Variants in SCAPER observed in about 807,000 individuals in gnomAD.
The protein encoded by SCAPER is S phase cyclin A-associated protein in the endoplasmic reticulum.
Under a neutral mutation model 182.2 loss-of-function variants are expected in SCAPER, and 98 were observed. The ratio of observed to expected loss-of-function variants is 0.54; its 90% CI spans 0.46 to 0.64. SCAPER has a LOEUF of 0.64. Ranked by LOEUF, SCAPER falls within the 30% of genes least tolerant of loss-of-function variation. SCAPER has a pLI of 0.00. For missense variants in SCAPER, 1,432 were observed against 1,690.0 expected (o/e 0.85, Z 2.68); for synonymous variants, 605 against 564.6 (o/e 1.07, Z -1.01).
At chr15:76,466,406 T>C (rs557358090) in intron 25 of SCAPER, among the ~76,000 whole-genome samples, 4 of 144,370 alleles carry the variant, frequency 2.8e-5, no homozygotes, top group East Asian at 4.1e-4. Flanking sequence ...AGTTCCAAAA[T>C]TGGTTGGTTC....
chr15:76,606,374 T>C (rs1326020021), intron 22 of SCAPER, among the ~76,000 whole-genome samples: 1 of 152,212 alleles, frequency 6.6e-6, no homozygotes, highest in Non-Finnish European at 1.5e-5. Context: ...GACTGCACTG[T>C]GGCCTGAGAG....
At chr15:76,637,844 TC>T (rs1245206989) in intron 21 of SCAPER, among the ~76,000 whole-genome samples, 2 of 148,294 alleles carry the variant, frequency 1.3e-5, no homozygotes, top group Non-Finnish European at 3.0e-5. Flanking sequence ...TAAAGCAGAA[TC>T]CTATTATGAA....
At chr15:76,669,251 CAAAT>C (rs142011822) in intron 20 of SCAPER, among the ~76,000 whole-genome samples, 7,427 of 152,094 alleles carry the variant, frequency 0.049, 218 homozygotes, top group South Asian at 0.12. Context: ...AACCCACAGA[CAAAT>C]GAAGAAAGTA....
intron 5 of SCAPER, among the ~76,000 whole-genome samples, chr15:76,813,529 G>A (rs894301937): frequency 1.1e-4 from 16 of 152,034 alleles, no homozygotes; most frequent in Middle Eastern, 3.4e-3. Flanking sequence ...ATCCATGGTT[G>A]CATTTGAATT....
chr15:76,664,250 A>G lies in SCAPER; in HGVS notation c.2645+1403T>C, dbSNP rs140059681. 9.2e-5 allele frequency among the ~76,000 whole-genome samples: 14 copies of G among 152,306 alleles called. No homozygotes were observed. The East Asian group carries it at 2.3e-3, about 25-fold the overall frequency. On this transcript the variant is annotated intron_variant, in intron 21 of 31. Transcript: ENST00000563290. ...AAACAAGACTAGTCAGAAGGCTACT[A>G]TAACAATCCAGGTAAGAGCTGACTG...
intron 23 of SCAPER, among the ~76,000 whole-genome samples, chr15:76,512,689 C>A (rs988495475): frequency 6.6e-6 from 1 of 152,014 alleles, no homozygotes; most frequent in African/African-American, 2.4e-5. Flanking sequence ...AAAGCCTTTT[C>A]TGCAATGCCA....
chr15:76,423,161 T>G lies in SCAPER; in HGVS notation c.3311+10917A>C, dbSNP rs374630308. ...AAATGAGTTAGGGAGGATTCCCTCT[T>G]TTTGTATTGATTGGAATAGTTTCAG... On this transcript the variant is annotated intron_variant, in intron 26 of 31. Transcript: ENST00000563290. Among the ~76,000 whole-genome samples the G allele has an allele frequency of 3.9e-5, 6 of 152,210 alleles. No individual in the cohort carries two copies. The East Asian group carries it at 1.2e-3, about 29-fold the overall frequency.
At chr15:76,496,066 A>AG (rs1325330657) in intron 24 of SCAPER, among the ~76,000 whole-genome samples, 3 of 150,800 alleles carry the variant, frequency 2.0e-5, no homozygotes, top group Admixed American at 1.3e-4. Flanking sequence ...GAAAGGTGGA[A>AG]GGGGGGAAGG....
At chr15:76,498,348 C>T (rs2040798639) in intron 24 of SCAPER, 1 of 152,154 alleles carries the variant, frequency 6.6e-6, no homozygotes, top group Non-Finnish European at 1.5e-5. Context: ...TTACCTGCTT[C>T]TGGAGCACAG....
chr15:76,595,069 T>C (rs559580921), intron 22 of SCAPER, among the ~76,000 whole-genome samples: 1 of 120,850 alleles, frequency 8.3e-6, no homozygotes, highest in East Asian at 2.2e-4. Context: ...TAGTGTGCTG[T>C]ATTCAGGAGG....
intron 24 of SCAPER, among the ~76,000 whole-genome samples, chr15:76,502,956 A>G (rs1320905085): frequency 6.6e-6 from 1 of 152,174 alleles, no homozygotes; most frequent in Non-Finnish European, 1.5e-5. Context: ...CACCAGAACA[A>G]CATACTCTGT....
intron 23 of SCAPER, among the ~76,000 whole-genome samples, chr15:76,558,642 C>T (rs900309304): frequency 2.6e-5 from 4 of 152,154 alleles, no homozygotes; most frequent in Non-Finnish European, 2.9e-5. Context: ...CTTAGAACTA[C>T]CATTTGACGC....
At chr15:76,588,782 G>A (rs1165001616) in intron 22 of SCAPER, among the ~76,000 whole-genome samples, 1 of 152,148 alleles carries the variant, frequency 6.6e-6, no homozygotes. Flanking sequence ...AGGTGTGGTG[G>A]CTAGTGTGAT....
rs774738622 is a variant in SCAPER, at chr15:76,404,629, G to C, written c.3362C>G (p.Ser1121Trp). ...ATTCTCATCCACTGGGCCTTGCACC[G>C]AGAGGAAGCAGGCACACAGTTTGTC... ...LIDKLCACFL[S>W]VQGPVDENPK... Residue 1121 changes from serine to tryptophan, a missense_variant, in exon 27 of 32, where the codon TCG becomes TGG. By Grantham distance (177) the Ser-to-Trp change is radical. This residue lies in a region of SCAPER where 718 missense variants were observed against 799.7 expected (regional missense o/e 0.90). Transcript: ENST00000563290. 1 of 1,613,192 alleles carries C rather than the reference G, an allele frequency of 6.2e-7. No homozygotes were observed. Among genetic ancestry groups the C allele is most frequent in the South Asian group, 1.1e-5 (1 of 91,050 alleles).
At chr15:76,620,679 CTTAAA>C (rs1346024136) in intron 22 of SCAPER, among the ~76,000 whole-genome samples, 2 of 152,142 alleles carry the variant, frequency 1.3e-5, no homozygotes, top group African/African-American at 4.8e-5. Context: ...ACTTGGGGCA[CTTAAA>C]TTGTTTCTTG....
At chr15:76,537,361 A>G (rs1160995940) in intron 23 of SCAPER, among the ~76,000 whole-genome samples, 3 of 152,198 alleles carry the variant, frequency 2.0e-5, no homozygotes, top group Non-Finnish European at 2.9e-5. Context: ...TACTGGTACC[A>G]AAACAGAGAT....
chr15:76,468,409 T>C (rs1245582104), intron 25 of SCAPER, among the ~76,000 whole-genome samples: 2 of 152,096 alleles, frequency 1.3e-5, no homozygotes, highest in Admixed American at 6.6e-5. Context: ...AAACATAGAA[T>C]GTGGTCAAAT....
chr15:76,569,668 T>C (rs1315180252), intron 23 of SCAPER, among the ~76,000 whole-genome samples: 1 of 152,094 alleles, frequency 6.6e-6, no homozygotes, highest in African/African-American at 2.4e-5. Flanking sequence ...TAATTATACA[T>C]AAATTAGACA....
intron 11 of SCAPER, among the ~76,000 whole-genome samples, chr15:76,765,924 TAA>T: frequency 6.6e-6 from 1 of 152,074 alleles, no homozygotes; most frequent in East Asian, 1.9e-4. Flanking sequence ...TGCTAACATA[TAA>T]AAAGCAAATA....
Sources: gnomAD v4.1 joint callset for allele counts (sites outside exome capture counted in the v4.1 genomes callset) on GRCh38, gnomAD v4.1.1 for gene constraint, gnomAD v4.1.1 regional missense constraint, MANE v1.5 for transcripts, NCBI Gene and HGNC (gene_info 2026-07-23, HGNC 2026-07-21) for gene names.